The following POM121 variants were observed in gnomAD, a reference collection of about 807,000 sequenced individuals.
The protein encoded by POM121 is nuclear envelope pore membrane protein POM 121.
Under a neutral mutation model 81.3 loss-of-function variants are expected in POM121, and 32 were observed. The observed-to-expected ratio is 0.39, with a 90% CI of 0.30 to 0.53. The LOEUF (loss-of-function observed/expected upper bound fraction) is 0.53. POM121 is among the 20% of genes least tolerant of loss of function. The pLI is 0.66. For missense variants in POM121, 1,138 were observed against 1,614.6 expected (o/e 0.70, Z 5.06); for synonymous variants, 514 against 694.2 (o/e 0.74, Z 4.08).
intron 3 of POM121, among the ~76,000 whole-genome samples, chr7:72,906,410 G>T (rs563328636): frequency 1.2e-4 from 19 of 152,236 alleles, no homozygotes; most frequent in Admixed American, 4.6e-4. Context: ...GAATTGGGGA[G>T]TGTTGGCTGG....
chr7:72,924,492 A>G (rs1462678741), upstream of POM121: 4 of 152,210 alleles, frequency 2.6e-5, no homozygotes, highest in South Asian at 8.3e-4. Flanking sequence ...CACCACCACA[A>G]TCTAATTTTA....
At chr7:72,936,525 C>G (rs1221114142) in intron 5 of POM121, among the ~76,000 whole-genome samples, 1 of 152,226 alleles carries the variant, frequency 6.6e-6, no homozygotes, top group Non-Finnish European at 1.5e-5. Context: ...GATCCGCCCA[C>G]CTTGGCCTCC....
upstream of POM121, among the ~76,000 whole-genome samples, chr7:72,923,669 G>A (rs1271696337): frequency 7.4e-6 from 1 of 134,312 alleles, no homozygotes; most frequent in Non-Finnish European, 1.5e-5. Context: ...GCGGGATCTC[G>A]GCTCACTGCA....
chr7:72,936,422 C>G (rs1399529515), intron 5 of POM121, among the ~76,000 whole-genome samples: 13 of 151,828 alleles, frequency 8.6e-5, no homozygotes, highest in Admixed American at 2.6e-4. Flanking sequence ...GGACTACAGG[C>G]ACCTGCCACC....
intron 3 of POM121, among the ~76,000 whole-genome samples, chr7:72,907,630 C>T (rs1554493624): frequency 6.6e-6 from 1 of 152,032 alleles, no homozygotes; most frequent in East Asian, 1.9e-4. Context: ...CCTGCTTCAG[C>T]CTGTTGAGTA....
At chr7:72,902,107 A>G (rs1348010131) in intron 3 of POM121, among the ~76,000 whole-genome samples, 2 of 151,570 alleles carry the variant, frequency 1.3e-5, no homozygotes, top group African/African-American at 4.8e-5. Context: ...AGTGAAACTC[A>G]TGAAAAAAAA....
chr7:72,897,914 G>T (rs1272194742), intron 3 of POM121, among the ~76,000 whole-genome samples: 3 of 152,192 alleles, frequency 2.0e-5, no homozygotes, highest in African/African-American at 7.2e-5. Context: ...AGGGACTTGG[G>T]AGGCTGAGGT....
intron 5 of POM121, among the ~76,000 whole-genome samples, chr7:72,936,543 G>C (rs1303003936): frequency 2.9e-4 from 44 of 152,200 alleles, no homozygotes; most frequent in African/African-American, 6.0e-4. Context: ...TCCCAAAGTG[G>C]TGGGATTACA....
chr7:72,918,951 C>A lies in POM121; in HGVS notation c.-152+5123C>A, dbSNP rs144955180. On this transcript the variant is annotated intron_variant, in intron 4 of 15. Coordinates refer to the POM121 transcript ENST00000395270. Reference sequence around the variant, plus strand: ...TAGCTGGGATGACAGGCACCCGCCACCACACCCGGCTAATTTTTTGTATTT... The same window carrying A: ...TAGCTGGGATGACAGGCACCCGCCAACACACCCGGCTAATTTTTTGTATTT... Among the ~76,000 whole-genome samples the A allele has an allele frequency of 2.1e-3, 318 of 152,254 alleles. 12 individuals are homozygous for A. The East Asian group carries it at 0.055, about 26-fold the overall frequency.
upstream of POM121, chr7:72,924,921 G>T (rs1795198266): frequency 2.1e-6 from 2 of 942,272 alleles, no homozygotes; most frequent in African/African-American, 1.7e-5. Context: ...TGTGGCGCTG[G>T]GAGCCACGCG....
chr7:72,949,003 G>C (rs781966938), downstream of POM121: 5 of 1,609,024 alleles, frequency 3.1e-6, no homozygotes, highest in Non-Finnish European at 4.3e-6. Flanking sequence ...GAAAGTGAGC[G>C]CGTGGCACAG....
At chr7:72,882,510 ACAAC>A (rs1236537006) in intron 1 of POM121, among the ~76,000 whole-genome samples, 2 of 152,372 alleles carry the variant, frequency 1.3e-5, no homozygotes, top group East Asian at 3.9e-4. Context: ...TTTCCTAACA[ACAAC>A]CATTAAATTG....
At chr7:72,901,300 T>C (rs1385225078) in intron 3 of POM121, among the ~76,000 whole-genome samples, 2 of 151,444 alleles carry the variant, frequency 1.3e-5, no homozygotes, top group Non-Finnish European at 2.9e-5. Context: ...CTGCAGCCTT[T>C]AATTCCTGGG....
chr7:72,949,061 G>A (rs577357065), downstream of POM121: 21 of 1,613,438 alleles, frequency 1.3e-5, no homozygotes, highest in East Asian at 4.5e-5. Context: ...ACCGGGCTAG[G>A]TGTCCCTGCC....
upstream of POM121, among the ~76,000 whole-genome samples, chr7:72,921,085 C>T (rs773145395): frequency 8.5e-5 from 13 of 152,056 alleles, no homozygotes. Context: ...TGCTGAGGCT[C>T]AGGCAGGAGA....
chr7:72,879,662 C>G (rs1294225781), exon 1 of POM121: 114 of 375,778 alleles, frequency 3.0e-4, no homozygotes, highest in African/African-American at 2.3e-3. Flanking sequence ...GGCGGCCTGG[C>G]GCCGGCCGTC....
At chr7:72,940,285 C>G in intron 8 of POM121, 129 bp from the exon 9 acceptor site, 1 of 608,132 alleles carries the variant, frequency 1.6e-6, no homozygotes, top group Non-Finnish European at 2.9e-6. Flanking sequence ...AGGCCGGCCT[C>G]AAACTCCTGA....
At chr7:72,921,196 C>G (rs1380404443), upstream of POM121, among the ~76,000 whole-genome samples, 1 of 152,024 alleles carries the variant, frequency 6.6e-6, no homozygotes, top group African/African-American at 2.4e-5. Context: ...AAATAAAAAT[C>G]AGTAAATAAA....
rs550592263 is a variant in POM121, at chr7:72,944,852, T to C, written c.3530-734T>C. 8.1e-4 allele frequency among the ~76,000 whole-genome samples: 123 copies of C among 152,208 alleles called. 1 individual carries two copies. Among genetic ancestry groups the C allele is most frequent in the Admixed American group, 5.0e-3 (76 of 15,292 alleles). On this transcript the variant is annotated intron_variant, in intron 11 of 12. Transcript: ENST00000434423. ...GGGCTGAGAGGACCATCAGTCAGCC[T>C]CACAGGGCGAAGTCACCGTGAGTGG...
Sources: gnomAD v4.1 joint callset for allele counts (sites outside exome capture counted in the v4.1 genomes callset) on GRCh38, gnomAD v4.1.1 for gene constraint, MANE v1.5 for transcripts, NCBI Gene and HGNC (gene_info 2026-07-23, HGNC 2026-07-21) for gene names.